Variants in FBXL14 observed in about 807,000 individuals in gnomAD.
The protein encoded by FBXL14 is F-box and leucine rich repeat protein 14, also known as F-box/LRR-repeat protein 14.
Under a neutral mutation model 24.5 loss-of-function variants are expected in FBXL14, and 11 were observed. The ratio of observed to expected loss-of-function variants is 0.45; its 90% confidence interval spans 0.28 to 0.74. The LOEUF (loss-of-function observed/expected upper bound fraction) is 0.74. Ranked by LOEUF, FBXL14 falls within the 30% of genes least tolerant of loss-of-function variation. The pLI, the probability that FBXL14 is intolerant of heterozygous loss-of-function variation, is 0.12. For missense variants in FBXL14, 384 were observed against 545.6 expected, an observed-to-expected ratio of 0.70 and a Z score of 2.95; for synonymous variants, 294 against 240.4, an observed-to-expected ratio of 1.22 and a Z score of -2.06.
At chr12:1,572,726 C>G (rs1224132964) in intron 1 of FBXL14, among the ~76,000 whole-genome samples, 2 of 152,104 alleles carry the variant, frequency 1.3e-5, no homozygotes, top group Admixed American at 1.3e-4. Flanking sequence ...AAGAAGGAGC[C>G]CACTGGAGAT....
At chr12:1,568,178 A>G (rs945946513) in intron 1 of FBXL14, among the ~76,000 whole-genome samples, 3 of 152,218 alleles carry the variant, frequency 2.0e-5, no homozygotes, top group African/African-American at 7.2e-5. Context: ...AAAAAAACAC[A>G]TTACCTGTAG....
chr12:1,581,217 G>A (rs2094465665), intron 1 of FBXL14, among the ~76,000 whole-genome samples: 1 of 146,280 alleles, frequency 6.8e-6, no homozygotes, highest in African/African-American at 2.5e-5. Flanking sequence ...TTAGGGTGGG[G>A]GGTGGGTGTG....
At chr12:1,576,683 C>T (rs533044807) in intron 1 of FBXL14, among the ~76,000 whole-genome samples, 6 of 152,238 alleles carry the variant, frequency 3.9e-5, no homozygotes, top group African/African-American at 1.2e-4. Context: ...GTGGGTTGGG[C>T]GCAGTTCCCA....
In FBXL14 at chr12:1,566,740, C is replaced by CCTCTCCCT; in HGVS notation, c.1257_*7dup. On this transcript the variant is annotated 3_prime_UTR_variant, in exon 2 of 2. Coordinates refer to ENST00000339235, the MANE Select transcript of FBXL14 (RefSeq NM_152441.3). ...ATCCACGGGAACCATGTCGTTGTCC[C>CCTCTCCCT]CTCTCCCTCACCTTCTGGAGCTTCC... 1 of 780,888 alleles carries CCTCTCCCT rather than the reference C, an allele frequency of 1.3e-6. No individual in the cohort carries two copies. The allele number at this position is 780,888 out of a possible 1,614,324, so 48.4% of individuals were successfully genotyped here. A position where few individuals can be genotyped will look rare whatever the true frequency, so the allele number is the denominator to read the frequency against.
chr12:1,581,551 T>C (rs2094466377), intron 1 of FBXL14, among the ~76,000 whole-genome samples: 1 of 152,114 alleles, frequency 6.6e-6, no homozygotes, highest in African/African-American at 2.4e-5. Flanking sequence ...CGGAAATGCT[T>C]TTTCCTATGT....
rs750691768 is a variant in FBXL14 at position 1,592,967 on chromosome 12, G to A, written c.1100C>T (p.Thr367Ile). The change falls in exon 1 of 2, where the codon ACC becomes ATC. Residue 367 changes from threonine (T) to isoleucine (I), a missense_variant. Physicochemically the swap from Thr to Ile is moderately conservative, Grantham distance 89. Coordinates refer to ENST00000339235, the MANE Select transcript of FBXL14 (RefSeq NM_152441.3). ...CTCCAGGCCGCGCTTGGTGATTCGG[G>A]TGCAGCCGTACAGGTCTATGCCGGT... ...QLTGIDLYGC[T>I]RITKRGLERI... 1.3e-5 allele frequency: 21 copies of A among 1,613,126 alleles called. No homozygotes were observed. Among genetic ancestry groups the A allele is most frequent in the East Asian group, 2.2e-5 (1 of 44,878 alleles).
chr12:1,585,136 C>T (rs955420337), intron 1 of FBXL14, among the ~76,000 whole-genome samples: 8 of 152,004 alleles, frequency 5.3e-5, no homozygotes, highest in Admixed American at 1.3e-4. Flanking sequence ...CGGTGGCTCA[C>T]GCCTGTCATC....
At chr12:1,571,824 G>GT (rs1454483893) in intron 1 of FBXL14, among the ~76,000 whole-genome samples, 1 of 152,202 alleles carries the variant, frequency 6.6e-6, no homozygotes, top group African/African-American at 2.4e-5. Context: ...TGTACTGAGT[G>GT]TATCAACTCC....
chr12:1,592,208 A>T (rs2094491890), intron 1 of FBXL14, among the ~76,000 whole-genome samples: 1 of 147,090 alleles, frequency 6.8e-6, no homozygotes, highest in Non-Finnish European at 1.5e-5. Context: ...ATATATATAT[A>T]ATTTATATAT....
intron 1 of FBXL14, among the ~76,000 whole-genome samples, chr12:1,590,412 A>G (rs1432250626): frequency 6.6e-6 from 1 of 152,192 alleles, no homozygotes; most frequent in Middle Eastern, 3.2e-3. Context: ...TACTACTCTT[A>G]TCAGCTCTTG....
At chr12:1,589,301 G>A (rs548986539) in intron 1 of FBXL14, among the ~76,000 whole-genome samples, 1 of 150,816 alleles carries the variant, frequency 6.6e-6, no homozygotes, top group South Asian at 2.1e-4. Flanking sequence ...CAGGAGGCTA[G>A]GTGGGAGGAT....
At chr12:1,587,243 C>CAAAAAA (rs34294827) in intron 1 of FBXL14, 4 of 95,912 alleles carry the variant, frequency 4.2e-5, no homozygotes, top group South Asian at 3.7e-4. Flanking sequence ...GTCTCCGTCT[C>CAAAAAA]AAAAAAAAAA....
At chr12:1,582,169 G>A (rs2094467631) in intron 1 of FBXL14, among the ~76,000 whole-genome samples, 1 of 146,534 alleles carries the variant, frequency 6.8e-6, no homozygotes, top group Non-Finnish European at 1.5e-5. Context: ...AGGAAAGAAG[G>A]AAAAGAAAGA....
At chr12:1,588,248 C>T (rs1411834806) in intron 1 of FBXL14, among the ~76,000 whole-genome samples, 3 of 152,046 alleles carry the variant, frequency 2.0e-5, no homozygotes, top group African/African-American at 2.4e-5. Flanking sequence ...TTCGAATTCT[C>T]TAAGTCAAAA....
intron 1 of FBXL14, 67 bp from the exon 2 acceptor site, chr12:1,566,877 G>T: frequency 1.3e-6 from 1 of 769,490 alleles, no homozygotes; most frequent in South Asian, 1.4e-5. Flanking sequence ...TCCTAACGAG[G>T]TCGCCTCCCC....
rs1013088430 is a variant in FBXL14 at position 1,566,442 on chromosome 12, C to T, written c.*306G>A. ...AAGTGTGGAACTTGTAGTTTCCTGTCGAAGAAGCTTGCAAATTGCAATTCC... is the reference window on the plus strand; with the variant it reads ...AAGTGTGGAACTTGTAGTTTCCTGTTGAAGAAGCTTGCAAATTGCAATTCC... On this transcript the variant is annotated 3_prime_UTR_variant, in exon 2 of 2. Coordinates refer to ENST00000339235, the MANE Select transcript of FBXL14 (RefSeq NM_152441.3). 7 of 293,596 alleles carry T rather than the reference C, an allele frequency of 2.4e-5. No homozygotes were observed. The highest frequency in any genetic ancestry group is 1.3e-4 in the East Asian group (2 of 15,840). 18.2% of individuals were successfully genotyped at this position (293,596 alleles called of 1,614,324 possible).
At chr12:1,572,680 C>T (rs1188130668) in intron 1 of FBXL14, among the ~76,000 whole-genome samples, 1 of 152,152 alleles carries the variant, frequency 6.6e-6, no homozygotes, top group Non-Finnish European at 1.5e-5. Flanking sequence ...GGATCCCGGA[C>T]AGCGTGCAGC....
intron 1 of FBXL14, among the ~76,000 whole-genome samples, chr12:1,570,532 A>G (rs73605869): frequency 0.05 from 7,533 of 152,130 alleles, 649 homozygotes; most frequent in African/African-American, 0.17. Context: ...CTCTGCCTGG[A>G]ATACCTGCCT....
At position 1,593,252 on chromosome 12, in the gene FBXL14, A is replaced by T; in HGVS notation, c.815T>A (p.Met272Lys). ...SCDNISDTGI[M>K]HLAMGSLRLS... ...GCGCAGGCTGCCCATGGCCAGATGC[A>T]TGATGCCCGTGTCACTGATGTTGTC... Residue 272 changes from methionine to lysine, a missense_variant, in exon 1 of 2, where the codon ATG becomes AAG. By Grantham distance (95) the Met-to-Lys change is moderately conservative (BLOSUM62 -1). Transcript: ENST00000339235. The surrounding 1 kb of genome is among the most constrained non-coding windows in gnomAD (Gnocchi z 7.4). The T allele has an allele frequency of 6.2e-7, 1 of 1,612,636 alleles. No individual in the cohort carries two copies. The highest frequency in any genetic ancestry group is 8.5e-7 in the Non-Finnish European group (1 of 1,179,982).
Sources: gnomAD v4.1 joint callset for allele counts (sites outside exome capture counted in the v4.1 genomes callset) on GRCh38, gnomAD v4.1.1 for gene constraint, Gnocchi (gnomAD v3.1) non-coding constraint, MANE v1.5 for transcripts, NCBI Gene and HGNC (gene_info 2026-07-23, HGNC 2026-07-21) for gene names.